Variants in AFG2B observed in about 807,000 individuals in gnomAD.
AFG2B encodes the protein AAA ATPase AFG2B.
the AFG2B span, among the ~76,000 whole-genome samples, chr15:45,409,740 G>A: frequency 1.3e-5 from 2 of 151,986 alleles, no homozygotes; most frequent in Non-Finnish European, 2.9e-5. Flanking sequence ...CAGGCTGGTG[G>A]CACATACCTG....
At chr15:45,420,023 A>T in the AFG2B span, among the ~76,000 whole-genome samples, 2 of 150,410 alleles carry the variant, frequency 1.3e-5, no homozygotes, top group African/African-American at 2.4e-5. Flanking sequence ...AACAAAAAAC[A>T]AAACAAAAGG....
chr15:45,402,408 C>T, the AFG2B span: 1 of 1,574,902 alleles, frequency 6.3e-7, no homozygotes, highest in Non-Finnish European at 8.6e-7. Context: ...CTGGTTTCGT[C>T]TGCCTGGTTC....
the AFG2B span, among the ~76,000 whole-genome samples, chr15:45,416,297 T>C: frequency 2.0e-5 from 3 of 152,188 alleles, no homozygotes; most frequent in African/African-American, 7.2e-5. Flanking sequence ...CAAAGGAGAT[T>C]ATTATTTCCA....
At chr15:45,409,949 C>G in the AFG2B span, among the ~76,000 whole-genome samples, 1 of 152,080 alleles carries the variant, frequency 6.6e-6, no homozygotes, top group Non-Finnish European at 1.5e-5. Context: ...TGGGGATGAC[C>G]TAACGTTTGT....
the AFG2B span, chr15:45,417,193 A>T: frequency 1.9e-6 from 3 of 1,538,718 alleles, no homozygotes; most frequent in Non-Finnish European, 2.6e-6. Flanking sequence ...ATTTAAATAG[A>T]CCTTCTGATT....
chr15:45,421,245 T>C, the AFG2B span: 4 of 1,462,346 alleles, frequency 2.7e-6, no homozygotes, highest in South Asian at 1.3e-5. Flanking sequence ...TTCACATTAA[T>C]TGAAATGTGA....
At chr15:45,419,260 T>TAATA in the AFG2B span, among the ~76,000 whole-genome samples, 1 of 151,702 alleles carries the variant, frequency 6.6e-6, no homozygotes, top group East Asian at 1.9e-4. Context: ...TCAGCCTGGG[T>TAATA]AATACAGTGA....
chr15:45,402,968 C>G, the AFG2B span: 4 of 1,594,918 alleles, frequency 2.5e-6, no homozygotes, highest in Non-Finnish European at 3.4e-6. Flanking sequence ...CTGGTCACCC[C>G]TCGTACCCGC....
At chr15:45,420,455 T>G in the AFG2B span, among the ~76,000 whole-genome samples, 1 of 152,344 alleles carries the variant, frequency 6.6e-6, no homozygotes, top group South Asian at 2.1e-4. Context: ...TATTCTCTCA[T>G]CTTTAAAAAT....
At chr15:45,417,231 C>T in the AFG2B span, 1 of 1,594,522 alleles carries the variant, frequency 6.3e-7, no homozygotes, top group East Asian at 2.2e-5. Context: ...TTATTAACAA[C>T]TGATTGACAT....
At chr15:45,409,711 A>G in the AFG2B span, among the ~76,000 whole-genome samples, 1 of 151,712 alleles carries the variant, frequency 6.6e-6, no homozygotes, top group African/African-American at 2.4e-5. Context: ...AAAAAAATAT[A>G]TATATTTTTT....
chr15:45,415,886 G>T, the AFG2B span: 2 of 1,037,126 alleles, frequency 1.9e-6, no homozygotes, highest in Non-Finnish European at 2.8e-6. Context: ...CTTTACCTAT[G>T]CTGAATTCAT....
At chr15:45,403,026 G>T in the AFG2B span, 1 of 1,578,404 alleles carries the variant, frequency 6.3e-7, no homozygotes, top group South Asian at 1.1e-5. Flanking sequence ...CGCAGCCCGA[G>T]GTGCCCCTGG....
the AFG2B span, among the ~76,000 whole-genome samples, chr15:45,412,185 G>T: frequency 6.6e-6 from 1 of 151,920 alleles, no homozygotes; most frequent in Non-Finnish European, 1.5e-5. Flanking sequence ...GGAGGATCAC[G>T]AGGTCAGGAG....
At chr15:45,406,968 A>G in the AFG2B span, 5 of 1,229,554 alleles carry the variant, frequency 4.1e-6, no homozygotes, top group Admixed American at 9.2e-5. Flanking sequence ...TTTGAGGGAG[A>G]CAATAAGTAA....
the AFG2B span, among the ~76,000 whole-genome samples, chr15:45,404,857 T>C: frequency 1.3e-5 from 2 of 149,660 alleles, no homozygotes; most frequent in African/African-American, 4.9e-5. Flanking sequence ...TACACACACA[T>C]ATATAAAATT....
At chr15:45,409,374 CA>C in the AFG2B span, among the ~76,000 whole-genome samples, 16,467 of 83,520 alleles carry the variant, frequency 0.2, 3,088 homozygotes, top group African/African-American at 0.51. Context: ...GAGACCCCGC[CA>C]AAAAAAAAAA....
chr15:45,404,418 C>A, the AFG2B span, among the ~76,000 whole-genome samples: 1 of 152,100 alleles, frequency 6.6e-6, no homozygotes, highest in Non-Finnish European at 1.5e-5. Context: ...TTAGGATTTT[C>A]GTATATTCAG....
the AFG2B span, among the ~76,000 whole-genome samples, chr15:45,408,010 T>C: frequency 6.6e-6 from 1 of 152,178 alleles, no homozygotes; most frequent in East Asian, 1.9e-4. Flanking sequence ...GGCAAAACAA[T>C]ACTATAAAGT....
Sources: allele counts gnomAD v4.1 joint callset (sites outside exome capture counted in the v4.1 genomes callset), GRCh38; gene constraint gnomAD v4.1.1; transcripts MANE v1.5; gene names NCBI Gene and HGNC (gene_info 2026-07-23, HGNC 2026-07-21).